TCF12: variants seen among roughly 807,000 people sequenced by gnomAD.
TCF12 encodes transcription factor 12.
TCF12 carries 45 observed loss-of-function variants against 86.0 expected under a neutral mutation model. The observed-to-expected ratio is 0.52, with a 90% confidence interval of 0.41 to 0.67. TCF12 has a LOEUF of 0.67. TCF12 is among the 30% of genes least tolerant of loss of function. TCF12 has a pLI of 0.00. For synonymous variants in TCF12, 330 were observed against 299.6 expected, an observed-to-expected ratio of 1.10 and a Z score of -1.05; for missense variants, 881 against 859.9, an observed-to-expected ratio of 1.02 and a Z score of -0.31.
chr15:57,097,767 A>G (rs142145079), intron 5 of TCF12, among the ~76,000 whole-genome samples: 2 of 152,262 alleles, frequency 1.3e-5, no homozygotes, highest in Non-Finnish European at 2.9e-5. Context: ...GCTGACAAAC[A>G]CAAAATGTTG....
rs775721749 is a variant in TCF12 at position 57,027,547 on chromosome 15, A to AT, written c.149-36194dup. On this transcript the variant is annotated intron_variant, in intron 3 of 20. Transcript: ENST00000333725. ...ATTCTCTATAAGGTTTTTTATGGTC[A>AT]TTTTTTTTTCTTGGATACATACTGA... Among the ~76,000 whole-genome samples the AT allele has an allele frequency of 4.3e-3, 654 of 150,966 alleles. 7 individuals are homozygous for AT. Among genetic ancestry groups the AT allele is most frequent in the Admixed American group, 0.022 (331 of 15,174 alleles).
intron 3 of TCF12, among the ~76,000 whole-genome samples, chr15:57,024,274 G>C (rs540808302): frequency 7.0e-6 from 1 of 142,642 alleles, no homozygotes; most frequent in Non-Finnish European, 1.5e-5. Flanking sequence ...CTAGGTTAGA[G>C]TGAGGTAGTG....
intron 3 of TCF12, among the ~76,000 whole-genome samples, chr15:57,033,186 T>C (rs1401272385): frequency 6.6e-6 from 1 of 152,094 alleles, no homozygotes; most frequent in Non-Finnish European, 1.5e-5. Flanking sequence ...ACTGGTAACA[T>C]TAGGACTAAA....
At chr15:57,029,312 C>G (rs1479912771) in intron 3 of TCF12, among the ~76,000 whole-genome samples, 1 of 151,782 alleles carries the variant, frequency 6.6e-6, no homozygotes, top group Admixed American at 6.6e-5. Context: ...ACTCTCTATT[C>G]TTGTATTAAT....
chr15:57,158,184 GTTTCTT>G (rs2054251473), intron 5 of TCF12, among the ~76,000 whole-genome samples: 1 of 134,086 alleles, frequency 7.5e-6, no homozygotes, highest in African/African-American at 2.6e-5. Flanking sequence ...TCAGAAAGTC[GTTTCTT>G]TTTTTTTTTT....
intron 3 of TCF12, among the ~76,000 whole-genome samples, chr15:56,939,011 T>A (rs2060609472): frequency 6.6e-6 from 1 of 152,192 alleles, no homozygotes; most frequent in Non-Finnish European, 1.5e-5. Flanking sequence ...TGCTTTTCAA[T>A]CTGAATTGTG....
intron 3 of TCF12, among the ~76,000 whole-genome samples, chr15:57,043,537 C>A (rs548012240): frequency 6.6e-6 from 1 of 152,160 alleles, no homozygotes; most frequent in African/African-American, 2.4e-5. Context: ...ATTTGCATTT[C>A]CCTGATGATC....
chr15:57,038,923 G>T lies in TCF12; in HGVS notation c.149-24827G>T, dbSNP rs79547347. ...GTACTGTAGTTAGCTGAGGGGACACGGGATAGATAGATGACTAGGCCTTTG... is the reference window on the plus strand; with the variant it reads ...GTACTGTAGTTAGCTGAGGGGACACTGGATAGATAGATGACTAGGCCTTTG... On this transcript the variant is annotated intron_variant, in intron 3 of 20. Transcript: ENST00000333725. Among the ~76,000 whole-genome samples the T allele has an allele frequency of 7.5e-4, 114 of 152,286 alleles. 1 individual carries two copies. Among genetic ancestry groups the T allele is most frequent in the Admixed American group, 7.4e-3 (113 of 15,290 alleles).
chr15:56,925,870 C>T (rs1364113077), intron 3 of TCF12, among the ~76,000 whole-genome samples: 2 of 152,188 alleles, frequency 1.3e-5, no homozygotes, highest in African/African-American at 4.8e-5. Context: ...TAAATATATT[C>T]AAAAGACTAA....
intron 3 of TCF12, among the ~76,000 whole-genome samples, chr15:56,999,786 A>T (rs2063916285): frequency 6.6e-6 from 1 of 152,082 alleles, no homozygotes; most frequent in Non-Finnish European, 1.5e-5. Context: ...AGGCTGGAGA[A>T]TCCCTTAAGT....
chr15:56,985,491 T>C (rs1214260750), intron 3 of TCF12, among the ~76,000 whole-genome samples: 1 of 152,206 alleles, frequency 6.6e-6, no homozygotes, highest in Non-Finnish European at 1.5e-5. Context: ...AGCTGGTTAA[T>C]TTATCCAGAT....
chr15:57,232,783 C>T lies in TCF12; in HGVS notation c.897C>T (p.Arg299=), dbSNP rs143532242. Residue 299 remains arginine, a synonymous_variant, in exon 11 of 21, where the codon CGC becomes CGT. Transcript: ENST00000333725. Reference sequence around the variant, plus strand: ...TTCCACCAATGTCCAGCTTTCATCGCGGCAGTACCAGCAGTTCACCTTACG... The same window carrying T: ...TTCCACCAATGTCCAGCTTTCATCGTGGCAGTACCAGCAGTTCACCTTACG... ...TSLPPMSSFH[R]GSTSSSPYVA... is the part of the protein sequence containing the mutation. 4.5e-5 allele frequency: 73 copies of T among 1,612,580 alleles called. No homozygotes were observed. Among genetic ancestry groups the T allele is most frequent in the Middle Eastern group, 1.6e-4 (1 of 6,078 alleles).
At chr15:57,003,114 T>A (rs1222609753) in intron 3 of TCF12, among the ~76,000 whole-genome samples, 1 of 152,210 alleles carries the variant, frequency 6.6e-6, no homozygotes. Context: ...AAACTTTTTC[T>A]GCAGATGCCC....
intron 4 of TCF12, among the ~76,000 whole-genome samples, chr15:57,090,118 TGAGGTGG>T (rs2048897461): frequency 6.6e-6 from 1 of 151,944 alleles, no homozygotes; most frequent in Admixed American, 6.5e-5. Context: ...CCTGGGAGCC[TGAGGTGG>T]GAGGATCACT....
intron 5 of TCF12, among the ~76,000 whole-genome samples, chr15:57,127,292 T>C (rs572874225): frequency 2.0e-5 from 3 of 152,238 alleles, no homozygotes; most frequent in Admixed American, 1.3e-4. Context: ...CCGCTTGTAC[T>C]CTTTCTTCTT....
chr15:57,220,986 T>C (rs939563222), intron 8 of TCF12, among the ~76,000 whole-genome samples: 8 of 152,166 alleles, frequency 5.3e-5, no homozygotes, highest in Non-Finnish European at 5.9e-5. Flanking sequence ...AAATTAGATA[T>C]GGTTGTCTCT....
intron 3 of TCF12, among the ~76,000 whole-genome samples, chr15:57,059,296 CTCTT>C (rs1409729834): frequency 3.9e-5 from 6 of 152,192 alleles, no homozygotes; most frequent in Non-Finnish European, 8.8e-5. Flanking sequence ...GTATGTGTGT[CTCTT>C]TCCCACAGGG....
At chr15:57,182,845 A>G (rs1354484829) in intron 6 of TCF12, among the ~76,000 whole-genome samples, 2 of 152,088 alleles carry the variant, frequency 1.3e-5, no homozygotes, top group African/African-American at 2.4e-5. Context: ...TATGTGTTCT[A>G]TAGTCATCTC....
intron 3 of TCF12, among the ~76,000 whole-genome samples, chr15:56,939,965 GTGTTTTTTTT>G (rs747160545): frequency 8.5e-6 from 1 of 117,642 alleles, no homozygotes; most frequent in Non-Finnish European, 1.7e-5. Flanking sequence ...CTTTAATAGC[GTGTTTTTTTT>G]TTTTTTTTTT....
Sources: allele counts gnomAD v4.1 joint callset (sites outside exome capture counted in the v4.1 genomes callset), GRCh38; gene constraint gnomAD v4.1.1; transcripts MANE v1.5; gene names NCBI Gene and HGNC (gene_info 2026-07-23, HGNC 2026-07-21).